PCDH15: variants seen among roughly 807,000 people sequenced by gnomAD.
PCDH15 encodes protocadherin related 15, also known as protocadherin-15.
In PCDH15, 129 loss-of-function variants were observed where a neutral mutation model predicts 178.5. The observed-to-expected ratio is 0.72, with a 90% CI of 0.63 to 0.84. The LOEUF is 0.84. Among genes scored for constraint, PCDH15 ranks in the 40% least tolerant of loss-of-function variants. The pLI is 0.00. For missense variants in PCDH15, 2,230 were observed against 2,099.9 expected (o/e 1.06, Z -1.21); for synonymous variants, 800 against 732.0 (o/e 1.09, Z -1.50).
At chr10:55,250,482 T>TAA (rs202237750) in intron 1 of PCDH15, among the ~76,000 whole-genome samples, 15,599 of 132,846 alleles carry the variant, frequency 0.12, 998 homozygotes, top group East Asian at 0.22. Context: ...CAGACCCTTG[T>TAA]AAAAAAAAAA....
chr10:54,960,697 T>C (rs1207301476), intron 2 of PCDH15, among the ~76,000 whole-genome samples: 1 of 152,204 alleles, frequency 6.6e-6, no homozygotes, highest in Non-Finnish European at 1.5e-5. Flanking sequence ...AATAATAATA[T>C]GGTTGAAATT....
Position 53,866,848 on chromosome 10 carries a change from T to C in PCDH15, c.3511A>G (p.Lys1171Glu). 6.2e-7 allele frequency: 1 copy of C among 1,606,182 alleles called. No homozygotes were observed. The highest frequency in any genetic ancestry group is 1.7e-4 in the Middle Eastern group (1 of 6,050). The change falls in exon 27 of 38, where the codon AAA becomes GAA. Residue 1171 changes from lysine to glutamate, a missense_variant. Transcript: ENST00000644397. ...TSVLRVKATDKDTGNYSVMAY... is the reference protein window; with the variant it reads ...TSVLRVKATDEDTGNYSVMAY... The stretch of plus-strand genomic sequence containing the variant: ...ATGACACTATAATTGCCAGTATCTT[T>C]ATCAGTAGCCTAGACGGAGGGGAAA...
intron 2 of PCDH15, among the ~76,000 whole-genome samples, chr10:55,093,043 T>G (rs943651611): frequency 3.9e-5 from 6 of 152,036 alleles, no homozygotes; most frequent in African/African-American, 1.4e-4. Flanking sequence ...GAAGATGAAC[T>G]GTGGTACCAG....
intron 2 of PCDH15, among the ~76,000 whole-genome samples, chr10:54,604,945 C>A (rs1465703729): frequency 1.3e-5 from 2 of 151,248 alleles, no homozygotes; most frequent in Non-Finnish European, 3.0e-5. Context: ...AGTACTATGG[C>A]TATTTTCTGT....
intron 3 of PCDH15, among the ~76,000 whole-genome samples, chr10:54,517,622 A>T (rs1163485343): frequency 6.6e-6 from 1 of 152,182 alleles, no homozygotes; most frequent in Non-Finnish European, 1.5e-5. Flanking sequence ...GGAGACTTTA[A>T]CACCCCACTG....
At position 53,821,749 on chromosome 10, in the gene PCDH15, T is replaced by C. The variant is rs532994771; in HGVS notation, c.4368-1519A>G. 541 of 1,549,096 alleles carry C rather than the reference T, an allele frequency of 3.5e-4. 3 individuals carry two copies. The highest frequency in any genetic ancestry group is 3.4e-3 in the Middle Eastern group (14 of 4,162). On this transcript the variant is annotated intron_variant, in intron 32 of 37. Transcript: ENST00000644397. ...AAACGAGAAAAAAAACTGCATTTCA[T>C]TGAATTTGGGGTAAAATAATAGAGT...
chr10:55,578,917 T>C (rs887703270), intron 2 of PCDH15, among the ~76,000 whole-genome samples: 3 of 152,152 alleles, frequency 2.0e-5, no homozygotes, highest in Non-Finnish European at 4.4e-5. Flanking sequence ...CTCCCACGGG[T>C]TCCCTCCCAT....
intron 7 of PCDH15, among the ~76,000 whole-genome samples, chr10:54,323,696 T>C (rs1335618812): frequency 3.3e-5 from 5 of 152,036 alleles, no homozygotes; most frequent in African/African-American, 4.8e-5. Context: ...CTGGGAACAG[T>C]AGACTGTGAA....
intron 1 of PCDH15, among the ~76,000 whole-genome samples, chr10:54,673,599 C>T (rs4935537): frequency 0.18 from 27,216 of 151,792 alleles, 2,938 homozygotes; most frequent in Middle Eastern, 0.25. Flanking sequence ...CCACCACGCA[C>T]GGCTAATTTT....
chr10:54,645,655 G>T (rs989224955), intron 2 of PCDH15, among the ~76,000 whole-genome samples: 1 of 152,152 alleles, frequency 6.6e-6, no homozygotes, highest in Non-Finnish European at 1.5e-5. Context: ...AAAGTATTAT[G>T]AGTGTTCTAA....
rs139241273 is a variant in PCDH15 at position 55,575,688 on chromosome 10, T to C, written c.-156+51937A>G. The C allele has an allele frequency of 6.4e-4, 97 of 152,328 alleles. 1 individual carries two copies. Among genetic ancestry groups the C allele is most frequent in the African/African-American group, 2.2e-3 (90 of 41,564 alleles). 9.4% of individuals were successfully genotyped at this position (152,328 alleles called of 1,614,324 possible). ...AATGTGCATGTCCGCAGTGCATTCCTCTCCAAGATGCTATTGTCATTTTCT... is the reference window on the plus strand; with the variant it reads ...AATGTGCATGTCCGCAGTGCATTCCCCTCCAAGATGCTATTGTCATTTTCT... On this transcript the variant is annotated intron_variant, in intron 2 of 5. Coordinates refer to the PCDH15 transcript ENST00000613346.
At chr10:54,004,166 C>G (rs1172968864) in intron 20 of PCDH15, among the ~76,000 whole-genome samples, 1 of 151,816 alleles carries the variant, frequency 6.6e-6, no homozygotes, top group Non-Finnish European at 1.5e-5. Context: ...TATGACAAAC[C>G]CGTAGCTACT....
At chr10:54,648,176 A>G (rs574235599) in intron 2 of PCDH15, among the ~76,000 whole-genome samples, 2 of 152,240 alleles carry the variant, frequency 1.3e-5, no homozygotes, top group South Asian at 2.1e-4. Flanking sequence ...ATTCTAAGAA[A>G]GAGAAAATTA....
chr10:55,446,311 G>GTATATATATA (rs144192137), intron 2 of PCDH15, among the ~76,000 whole-genome samples: 4 of 149,126 alleles, frequency 2.7e-5, no homozygotes, highest in Non-Finnish European at 4.5e-5. Context: ...ATAGATATGT[G>GTATATATATA]TATATATATA....
chr10:55,432,082 A>AATACACACACACACAC (rs1554867449), intron 2 of PCDH15, among the ~76,000 whole-genome samples: 1 of 148,402 alleles, frequency 6.7e-6, no homozygotes, highest in African/African-American at 2.5e-5. Flanking sequence ...CTATCATTTA[A>AATACACACACACACAC]ACACACACAC....
intron 2 of PCDH15, among the ~76,000 whole-genome samples, chr10:54,930,978 T>C (rs549947387): frequency 3.5e-5 from 4 of 114,370 alleles, no homozygotes; most frequent in Admixed American, 2.1e-4. Flanking sequence ...ATTAGCATGA[T>C]TGATGGCATG....
chr10:54,912,730 G>A (rs549799229), intron 2 of PCDH15, among the ~76,000 whole-genome samples: 1 of 152,276 alleles, frequency 6.6e-6, no homozygotes, highest in East Asian at 1.9e-4. Flanking sequence ...GGGCAAGGTT[G>A]AAACAGTTTG....
At chr10:53,844,971 C>T (rs2077879671) in intron 28 of PCDH15, among the ~76,000 whole-genome samples, 1 of 151,900 alleles carries the variant, frequency 6.6e-6, no homozygotes. Context: ...TATTTGCAAA[C>T]TATCCAATCA....
intron 21 of PCDH15, among the ~76,000 whole-genome samples, chr10:53,991,094 C>A (rs116436349): frequency 6.6e-6 from 1 of 152,250 alleles, no homozygotes; most frequent in South Asian, 2.1e-4. Flanking sequence ...GAACCCCCCC[C>A]ACCCCCGTGG....
Sources: allele counts gnomAD v4.1 joint callset (sites outside exome capture counted in the v4.1 genomes callset), GRCh38; gene constraint gnomAD v4.1.1; transcripts MANE v1.5; gene names NCBI Gene and HGNC (gene_info 2026-07-23, HGNC 2026-07-21).